CAST: variants seen among roughly 807,000 people sequenced by gnomAD.
CAST encodes the protein calpastatin, also known as MIR583 host.
CAST carries 76 observed loss-of-function variants against 119.6 expected under a neutral mutation model. The observed-to-expected ratio is 0.64, with a 90% confidence interval of 0.53 to 0.77. CAST has a LOEUF of 0.77. Among genes scored for constraint, CAST ranks in the 30% least tolerant of loss-of-function variants. The probability of loss-of-function intolerance (pLI) is 0.00; values close to 1 mark genes in which losing one functional copy is unlikely to be tolerated. For missense variants in CAST, 953 were observed against 946.5 expected, an observed-to-expected ratio of 1.01 and a Z score of -0.09; for synonymous variants, 319 against 331.6, an observed-to-expected ratio of 0.96 and a Z score of 0.41.
chr5:96,412,209 T>C, the CAST span: 12 of 991,778 alleles, frequency 1.2e-5, no homozygotes, highest in Non-Finnish European at 1.9e-5. Flanking sequence ...AAGGACTTTG[T>C]TAAGAAATCC....
the CAST span, among the ~76,000 whole-genome samples, chr5:96,355,763 G>A: frequency 6.6e-6 from 1 of 152,010 alleles, no homozygotes; most frequent in Non-Finnish European, 1.5e-5. Flanking sequence ...GTGCAGTGAC[G>A]TGATCTCAGC....
chr5:96,233,967 A>G, the CAST span, among the ~76,000 whole-genome samples: 1 of 152,136 alleles, frequency 6.6e-6, no homozygotes, highest in Non-Finnish European at 1.5e-5. Flanking sequence ...ATTATTTTTT[A>G]AAGTGAGAGT....
chr5:96,762,266 A>G lies in CAST; in HGVS notation c.1834-8A>G, dbSNP rs1165526124. On this transcript the variant is annotated splice_region_variant and splice_polypyrimidine_tract_variant and intron_variant, in intron 24 of 31. Transcript: ENST00000675179. ...ACATGTTACTAATAAAATTTTTTTC[A>G]ATAAAAGAAATTTGAAGATGCTAAA... The G allele has an allele frequency of 6.3e-7, 1 of 1,594,510 alleles. No individual in the cohort carries two copies. The highest frequency in any genetic ancestry group is 8.5e-7 in the Non-Finnish European group (1 of 1,172,838).
the CAST span, among the ~76,000 whole-genome samples, chr5:96,319,854 A>G: frequency 3.3e-5 from 5 of 151,926 alleles, no homozygotes; most frequent in East Asian, 5.9e-4. Context: ...TAAAATTTCC[A>G]TCAATGAGCA....
the CAST span, among the ~76,000 whole-genome samples, chr5:96,103,615 G>T: frequency 1.3e-5 from 2 of 151,782 alleles, no homozygotes; most frequent in East Asian, 3.9e-4. Flanking sequence ...GGACATTTGG[G>T]TTGTTTCCAA....
At chr5:96,362,893 T>A in the CAST span, among the ~76,000 whole-genome samples, 5 of 152,264 alleles carry the variant, frequency 3.3e-5, no homozygotes, top group Admixed American at 6.5e-5. Context: ...GGTGTTTTAG[T>A]CATGAAGTCC....
chr5:96,136,336 A>C, the CAST span, among the ~76,000 whole-genome samples: 2 of 148,382 alleles, frequency 1.3e-5, no homozygotes, highest in Non-Finnish European at 3.0e-5. Flanking sequence ...ATTTGACATA[A>C]TTGCACCTCT....
the CAST span, among the ~76,000 whole-genome samples, chr5:96,145,078 A>G: frequency 6.6e-6 from 1 of 152,190 alleles, no homozygotes; most frequent in Non-Finnish European, 1.5e-5. Context: ...TCTTAGCTTT[A>G]AATAATTGAT....
intron 1 of CAST, among the ~76,000 whole-genome samples, chr5:96,603,344 TTTTC>T (rs1388990691): frequency 6.6e-6 from 1 of 152,194 alleles, no homozygotes; most frequent in Non-Finnish European, 1.5e-5. Flanking sequence ...TACAAAAATG[TTTTC>T]TTTCTTTATA....
chr5:96,003,593 G>A, the CAST span, among the ~76,000 whole-genome samples: 4 of 150,248 alleles, frequency 2.7e-5, no homozygotes, highest in Non-Finnish European at 5.9e-5. Context: ...TATTCTCATT[G>A]TGATTGCTTG....
chr5:96,669,874 G>A (rs767996556), intron 1 of CAST, among the ~76,000 whole-genome samples: 1 of 152,218 alleles, frequency 6.6e-6, no homozygotes, highest in Non-Finnish European at 1.5e-5. Context: ...GCTGTATATT[G>A]GAATCATCTG....
the CAST span, among the ~76,000 whole-genome samples, chr5:96,233,466 C>T: frequency 6.6e-6 from 1 of 151,790 alleles, no homozygotes. Context: ...TAAAATACTT[C>T]AAAAAACAAA....
At chr5:96,446,092 C>A in the CAST span, among the ~76,000 whole-genome samples, 31 of 151,238 alleles carry the variant, frequency 2.0e-4, 1 homozygote, top group African/African-American at 6.8e-4. Context: ...CAAGCTCAGA[C>A]TTCCAAATGA....
the CAST span, among the ~76,000 whole-genome samples, chr5:96,272,238 G>A: frequency 6.6e-5 from 10 of 152,240 alleles, no homozygotes; most frequent in African/African-American, 1.9e-4. Flanking sequence ...ACTCCCATAT[G>A]ATCCAGTAAT....
chr5:96,583,804 T>G (rs1024045924), intron 1 of CAST, among the ~76,000 whole-genome samples: 3 of 152,200 alleles, frequency 2.0e-5, no homozygotes, highest in Admixed American at 1.3e-4. Context: ...GTATTGTTAC[T>G]TGATTTTTCA....
the CAST span, among the ~76,000 whole-genome samples, chr5:96,210,598 A>C: frequency 1.3e-5 from 2 of 152,058 alleles, no homozygotes; most frequent in African/African-American, 2.4e-5. Flanking sequence ...ATAGCTACAT[A>C]ATAAGTCTTG....
chr5:96,362,866 T>C, the CAST span, among the ~76,000 whole-genome samples: 5 of 152,186 alleles, frequency 3.3e-5, no homozygotes, highest in Non-Finnish European at 5.9e-5. Flanking sequence ...ATTTTGGCTT[T>C]TGTTGCCATT....
the CAST span, among the ~76,000 whole-genome samples, chr5:96,307,803 G>T: frequency 6.6e-6 from 1 of 152,158 alleles, no homozygotes; most frequent in East Asian, 1.9e-4. Context: ...GGCTTGTAGG[G>T]TTTCTCCCGA....
intron 1 of CAST, among the ~76,000 whole-genome samples, chr5:96,550,406 G>T (rs1278764510): frequency 6.6e-6 from 1 of 152,194 alleles, no homozygotes; most frequent in Non-Finnish European, 1.5e-5. Flanking sequence ...AACCTCATAT[G>T]TAGGTCACCA....
Sources: gnomAD v4.1 joint callset for allele counts (sites outside exome capture counted in the v4.1 genomes callset) on GRCh38, gnomAD v4.1.1 for gene constraint, MANE v1.5 for transcripts, NCBI Gene and HGNC (gene_info 2026-07-23, HGNC 2026-07-21) for gene names.